Variants in PAX3 observed in about 807,000 individuals in gnomAD.
PAX3 encodes paired box 3.
PAX3 carries 14 observed loss-of-function variants against 51.6 expected under a neutral mutation model. The ratio of observed to expected loss-of-function variants is 0.27; its 90% confidence interval spans 0.18 to 0.42. The LOEUF (loss-of-function observed/expected upper bound fraction) is 0.42. Ranked by LOEUF, PAX3 falls within the 10% of genes least tolerant of loss-of-function variation. The pLI is 1.00. For synonymous variants in PAX3, 280 were observed against 253.4 expected, an observed-to-expected ratio of 1.11 and a Z score of -1.00; for missense variants, 540 against 642.8, an observed-to-expected ratio of 0.84 and a Z score of 1.73.
At chr2:222,231,241 A>G (rs750756850) in intron 5 of PAX3, among the ~76,000 whole-genome samples, 1 of 152,216 alleles carries the variant, frequency 6.6e-6, no homozygotes, top group Non-Finnish European at 1.5e-5. Flanking sequence ...GAATCTGGAA[A>G]TAACACACAA....
intron 4 of PAX3, among the ~76,000 whole-genome samples, chr2:222,289,695 C>A (rs1006572479): frequency 3.9e-5 from 6 of 152,062 alleles, no homozygotes; most frequent in Non-Finnish European, 8.8e-5. Flanking sequence ...ACCAAACAAG[C>A]GAAAAAGAAA....
At position 222,202,157 on chromosome 2, in the gene PAX3, G is replaced by T. The variant is rs1471725623; in HGVS notation, c.1207C>A (p.Pro403Thr). The part of the protein sequence containing the change: ...MGLLTNHGGV[P>T]HQPQTDYALS... ...GCGTAATCAGTCTGGGGCTGATGAG[G>T]TACCCCACCGTGGTTGGTCAGGAGT... is the stretch of plus-strand genomic sequence containing the variant. The change falls in exon 8 of 9, where the codon CCT (proline) becomes ACT (threonine). Residue 403 changes from proline to threonine, a missense_variant. This residue lies in a region of PAX3 where 427 missense variants were observed against 483.6 expected (regional missense o/e 0.88). Coordinates refer to ENST00000392070, the MANE Select transcript of PAX3 (RefSeq NM_181458.4). 1 of 1,606,936 alleles carries T rather than the reference G, an allele frequency of 6.2e-7. No homozygotes were observed. Among genetic ancestry groups the T allele is most frequent in the Non-Finnish European group, 8.5e-7 (1 of 1,176,304 alleles).
intron 7 of PAX3, among the ~76,000 whole-genome samples, chr2:222,217,113 T>A (rs1292758344): frequency 6.6e-6 from 1 of 152,188 alleles, no homozygotes; most frequent in Non-Finnish European, 1.5e-5. Context: ...CATAAGAACC[T>A]AAAAAGCTAG....
intron 4 of PAX3, among the ~76,000 whole-genome samples, chr2:222,279,801 AAGTT>A (rs1694571341): frequency 1.3e-5 from 2 of 152,350 alleles, no homozygotes; most frequent in African/African-American, 4.8e-5. Flanking sequence ...AAAATTATGA[AAGTT>A]AGCCAACAAA....
At chr2:222,264,050 A>G (rs1693957468) in intron 4 of PAX3, 1 of 152,216 alleles carries the variant, frequency 6.6e-6, no homozygotes, top group South Asian at 2.1e-4. Context: ...GGTAGTGATG[A>G]TGATTGCATA....
intron 4 of PAX3, among the ~76,000 whole-genome samples, chr2:222,257,998 G>A (rs1386653432): frequency 6.6e-6 from 1 of 152,166 alleles, no homozygotes; most frequent in African/African-American, 2.4e-5. Context: ...CAAGAAAAGA[G>A]GAATATTCTA....
At chr2:222,204,388 TTATA>T in intron 7 of PAX3, among the ~76,000 whole-genome samples, 1 of 152,346 alleles carries the variant, frequency 6.6e-6, no homozygotes, top group East Asian at 1.9e-4. Context: ...TTATTTGAGC[TTATA>T]TAGATGATTT....
At position 222,298,855 on chromosome 2, in the gene PAX3, G is replaced by C; in HGVS notation, c.-240C>G. 1 of 587,674 alleles carries C rather than the reference G, an allele frequency of 1.7e-6. No homozygotes were observed. Among genetic ancestry groups the C allele is most frequent in the African/African-American group, 1.9e-5 (1 of 53,812 alleles). 36.4% of individuals were successfully genotyped at this position (587,674 alleles called of 1,614,324 possible). A position where few individuals can be genotyped will look rare whatever the true frequency, so the allele number is the denominator to read the frequency against. On this transcript the variant is annotated 5_prime_UTR_variant, in exon 1 of 9. Coordinates refer to ENST00000392070, the MANE Select transcript of PAX3 (RefSeq NM_181458.4). Reference sequence around the variant, plus strand: ...GAGTCCAGGATCCCGAGCCCAGGGCGGAAAAGTTTGGTACGAGTCTGGGCA... The same window carrying C: ...GAGTCCAGGATCCCGAGCCCAGGGCCGAAAAGTTTGGTACGAGTCTGGGCA...
At chr2:222,298,386 C>T (rs1695419659) in intron 1 of PAX3, 145 bp downstream of exon 1, 1 of 666,144 alleles carries the variant, frequency 1.5e-6, no homozygotes, top group African/African-American at 1.8e-5. Context: ...AGGTCCTCGC[C>T]CCCGACTGGT....
At chr2:222,258,215 G>T (rs1389269924) in intron 4 of PAX3, among the ~76,000 whole-genome samples, 1 of 152,124 alleles carries the variant, frequency 6.6e-6, no homozygotes, top group Non-Finnish European at 1.5e-5. Context: ...CAATATATTT[G>T]TCTGCGTAAA....
intron 8 of PAX3, 170 bp downstream of exon 8, chr2:222,201,774 A>G: frequency 6.7e-7 from 1 of 1,496,190 alleles, no homozygotes; most frequent in Non-Finnish European, 8.8e-7. Context: ...TTAAGAAAAT[A>G]ATTACACAAG....
chr2:222,278,262 T>C (rs903660030), intron 4 of PAX3, among the ~76,000 whole-genome samples: 3 of 152,186 alleles, frequency 2.0e-5, no homozygotes, highest in Non-Finnish European at 2.9e-5. Flanking sequence ...GATTTAAGCC[T>C]CTGGCCCTCC....
chr2:222,201,361 C>A lies in PAX3; in HGVS notation c.*47G>T. 1 of 1,608,092 alleles carries A rather than the reference C, an allele frequency of 6.2e-7. No homozygotes were observed. Among genetic ancestry groups the A allele is most frequent in the Non-Finnish European group, 8.5e-7 (1 of 1,179,294 alleles). ...GAGCAGATTCTTCATATCTAGGCTG[C>A]GAAGACCAGAAACAGGGCCAGTTTT... On this transcript the variant is annotated 3_prime_UTR_variant, in exon 9 of 9. Transcript: ENST00000392070.
At chr2:222,219,601 G>A (rs994721075) in intron 7 of PAX3, among the ~76,000 whole-genome samples, 1 of 152,136 alleles carries the variant, frequency 6.6e-6, no homozygotes, top group African/African-American at 2.4e-5. Flanking sequence ...CCTAATTTGT[G>A]CATTTATAAC....
intron 4 of PAX3, among the ~76,000 whole-genome samples, chr2:222,259,859 T>C (rs1213561578): frequency 6.6e-6 from 1 of 152,168 alleles, no homozygotes; most frequent in Admixed American, 6.5e-5. Flanking sequence ...CTAGTGAAGT[T>C]AGCTTCATTT....
chr2:222,292,727 T>C (rs1209343179), intron 4 of PAX3, among the ~76,000 whole-genome samples: 1 of 152,146 alleles, frequency 6.6e-6, no homozygotes, highest in Non-Finnish European at 1.5e-5. Context: ...CAAGGTGTCT[T>C]CTCAGAGACC....
At chr2:222,222,436 C>T (rs1692230544) in intron 5 of PAX3, among the ~76,000 whole-genome samples, 1 of 149,498 alleles carries the variant, frequency 6.7e-6, no homozygotes, top group African/African-American at 2.5e-5. Context: ...GACAGTCTTG[C>T]TCTGTCGCCC....
At chr2:222,245,142 T>C (rs1693176100) in intron 4 of PAX3, among the ~76,000 whole-genome samples, 1 of 151,878 alleles carries the variant, frequency 6.6e-6, no homozygotes, top group Non-Finnish European at 1.5e-5. Context: ...AACGAGACTG[T>C]CTCAAAAAAA....
chr2:222,255,569 AGTCAGT>A (rs1693607093), intron 4 of PAX3, among the ~76,000 whole-genome samples: 3 of 152,150 alleles, frequency 2.0e-5, no homozygotes, highest in African/African-American at 7.2e-5. Context: ...CATGTCAGCC[AGTCAGT>A]GTTCTTGGCA....
Sources: allele counts gnomAD v4.1 joint callset (sites outside exome capture counted in the v4.1 genomes callset), GRCh38; gene constraint gnomAD v4.1.1; regional missense constraint gnomAD v4.1.1; transcripts MANE v1.5; gene names NCBI Gene and HGNC (gene_info 2026-07-23, HGNC 2026-07-21).